The following PCDH11Y variants were observed in gnomAD, a reference collection of about 807,000 sequenced individuals.
The protein encoded by PCDH11Y is protocadherin 11 Y-linked, also known as protocadherin-11 Y-linked.
For missense variants in PCDH11Y, 12 were observed against 224.8 expected, an observed-to-expected ratio of 0.05 and a Z score of 6.05; for synonymous variants, 9 against 83.6, an observed-to-expected ratio of 0.11 and a Z score of 4.87.
chrY:5,521,581 CAT>C (rs2053381100), intron 3 of PCDH11Y, among the ~76,000 whole-genome samples: 1 of 31,474 alleles, frequency 3.2e-5, no homozygotes, highest in African/African-American at 1.2e-4. Flanking sequence ...CATGTTTTAA[CAT>C]GTGTTTATCA....
chrY:5,301,870 A>G (rs2053082765), intron 2 of PCDH11Y, among the ~76,000 whole-genome samples: 1 of 29,786 alleles, frequency 3.4e-5, no homozygotes, highest in Non-Finnish European at 8.0e-5. Flanking sequence ...CAATCAGTGT[A>G]TACCTGTTGC....
At chrY:5,310,079 C>T (rs2124664377) in intron 2 of PCDH11Y, among the ~76,000 whole-genome samples, 3 of 26,379 alleles carry the variant, frequency 1.1e-4, no homozygotes, top group Admixed American at 1.1e-3. Context: ...TTTTTTCACC[C>T]TGGAATTCTG....
chrY:5,408,679 G>A (rs2053243497), intron 2 of PCDH11Y, among the ~76,000 whole-genome samples: 1 of 33,191 alleles, frequency 3.0e-5, no homozygotes, highest in Non-Finnish European at 7.4e-5. Context: ...GAACTCAGGC[G>A]ATCCACCCAT....
intron 2 of PCDH11Y, among the ~76,000 whole-genome samples, chrY:5,149,565 C>T: frequency 7.8e-5 from 1 of 12,754 alleles, no homozygotes; most frequent in African/African-American, 5.6e-4. Context: ...CATATATACA[C>T]ACACACAAAC....
At chrY:5,448,167 T>C (rs2053289347) in intron 2 of PCDH11Y, among the ~76,000 whole-genome samples, 1 of 33,187 alleles carries the variant, frequency 3.0e-5, no homozygotes, top group African/African-American at 1.2e-4. Flanking sequence ...CAGTTATACG[T>C]TGATTTTTTT....
chrY:5,244,416 G>A, intron 2 of PCDH11Y, among the ~76,000 whole-genome samples: 2 of 33,049 alleles, frequency 6.1e-5, no homozygotes, highest in South Asian at 6.9e-4. Flanking sequence ...ATCCAGAACC[G>A]GCAAGTGAGG....
intron 4 of PCDH11Y, among the ~76,000 whole-genome samples, chrY:5,703,691 C>G: frequency 3.2e-5 from 1 of 31,482 alleles, no homozygotes; most frequent in Non-Finnish European, 7.7e-5. Flanking sequence ...AAATATTCCC[C>G]TAAAGAAAAC....
chrY:5,127,577 A>G (rs2052826917), intron 2 of PCDH11Y, among the ~76,000 whole-genome samples: 1 of 33,129 alleles, frequency 3.0e-5, no homozygotes, highest in African/African-American at 1.2e-4. Context: ...CAATACTCTA[A>G]CGGATAATCT....
chrY:5,729,259 T>C, intron 4 of PCDH11Y, among the ~76,000 whole-genome samples: 1 of 33,766 alleles, frequency 3.0e-5, no homozygotes, highest in African/African-American at 1.2e-4. Flanking sequence ...AAAATTCTCT[T>C]TTCTCCTCAA....
intron 2 of PCDH11Y, among the ~76,000 whole-genome samples, chrY:5,406,213 A>G (rs2053238652): frequency 3.0e-5 from 1 of 33,487 alleles, no homozygotes. Context: ...AATAATTAAA[A>G]TAATTCATTG....
At chrY:5,697,563 A>G in intron 4 of PCDH11Y, among the ~76,000 whole-genome samples, 1 of 31,084 alleles carries the variant, frequency 3.2e-5, no homozygotes, top group Non-Finnish European at 7.9e-5. Flanking sequence ...AGCCTTTACC[A>G]TTAGTAATGC....
chrY:5,064,148 CAT>C (rs2052680800), intron 1 of PCDH11Y, among the ~76,000 whole-genome samples: 1 of 24,987 alleles, frequency 4.0e-5, no homozygotes, highest in Non-Finnish European at 9.3e-5. Flanking sequence ...ATATAGGAAA[CAT>C]ATTTTAAAAG....
chrY:5,147,846 A>T (rs1285689227), intron 2 of PCDH11Y, among the ~76,000 whole-genome samples: 115 of 33,011 alleles, frequency 3.5e-3, no homozygotes, highest in Admixed American at 0.016. Context: ...TAATCCAAGG[A>T]ATGTGAGTAG....
At chrY:5,316,119 G>A (rs2053106856) in intron 2 of PCDH11Y, among the ~76,000 whole-genome samples, 1 of 33,038 alleles carries the variant, frequency 3.0e-5, no homozygotes, top group African/African-American at 1.2e-4. Flanking sequence ...CAAGGTGGTC[G>A]GGGCACAGCT....
chrY:5,028,902 G>C, intron 1 of PCDH11Y, among the ~76,000 whole-genome samples: 1 of 33,109 alleles, frequency 3.0e-5, no homozygotes, highest in African/African-American at 1.2e-4. Context: ...GTGTGTCTGT[G>C]GGGGGGAGAC....
intron 2 of PCDH11Y, among the ~76,000 whole-genome samples, chrY:5,150,717 C>T (rs2052863453): frequency 8.9e-5 from 3 of 33,769 alleles, no homozygotes; most frequent in East Asian, 7.9e-4. Context: ...GTGAAATGCT[C>T]AGTAAAATAG....
chrY:5,425,658 C>T (rs575827126), intron 2 of PCDH11Y, among the ~76,000 whole-genome samples: 1,908 of 32,341 alleles, frequency 0.059, no homozygotes, highest in South Asian at 0.3. Context: ...AATATTTCTT[C>T]TCTTTTTTAT....
chrY:5,271,226 AT>A (rs200471790), intron 2 of PCDH11Y, among the ~76,000 whole-genome samples: 15 of 29,613 alleles, frequency 5.1e-4, no homozygotes, highest in Admixed American at 1.2e-3. Flanking sequence ...AAATAGTACT[AT>A]TTTTTTTTTT....
intron 1 of PCDH11Y, among the ~76,000 whole-genome samples, chrY:5,089,252 A>G: frequency 6.0e-5 from 2 of 33,176 alleles, no homozygotes; most frequent in African/African-American, 2.4e-4. Context: ...AAAAAAAGAC[A>G]CGTCTATGAT....
Sources: allele counts gnomAD v4.1 joint callset (sites outside exome capture counted in the v4.1 genomes callset), GRCh38; gene constraint gnomAD v4.1.1; transcripts MANE v1.5; gene names NCBI Gene and HGNC (gene_info 2026-07-23, HGNC 2026-07-21).